The following CA10 variants were observed in gnomAD, a reference collection of about 807,000 sequenced individuals.
CA10 encodes the protein carbonic anhydrase-related protein 10.
A neutral mutation model predicts 44.2 loss-of-function variants in CA10; 14 were observed. That is an observed-to-expected ratio of 0.32 (90% CI 0.21 to 0.50). CA10 has a LOEUF of 0.50. Among genes scored for constraint, CA10 ranks in the 20% least tolerant of loss-of-function variants. CA10 has a pLI of 0.99. For synonymous variants in CA10, 159 were observed against 141.6 expected (o/e 1.12, Z -0.87); for missense variants, 350 against 409.7 (o/e 0.85, Z 1.26).
chr17:51,841,172 T>A (rs1467474982), intron 3 of CA10, among the ~76,000 whole-genome samples: 1 of 152,166 alleles, frequency 6.6e-6, no homozygotes, highest in Non-Finnish European at 1.5e-5. Flanking sequence ...CCTACAGCAG[T>A]ATGTCCAGAC....
intron 3 of CA10, among the ~76,000 whole-genome samples, chr17:51,897,448 T>C (rs879173699): frequency 2.6e-5 from 4 of 152,230 alleles, no homozygotes; most frequent in African/African-American, 4.8e-5. Flanking sequence ...ACTTGCACCA[T>C]GCTGTTTTGG....
intron 1 of CA10, among the ~76,000 whole-genome samples, chr17:52,121,938 T>G (rs12453099): frequency 6.6e-6 from 1 of 152,200 alleles, no homozygotes; most frequent in Admixed American, 6.5e-5. Context: ...TCTCTCAGAA[T>G]GTAGCAATTA....
chr17:52,005,235 TATAAAA>T (rs1189486361), intron 2 of CA10, among the ~76,000 whole-genome samples: 3 of 151,954 alleles, frequency 2.0e-5, no homozygotes, highest in African/African-American at 7.2e-5. Flanking sequence ...TTTAAAAATC[TATAAAA>T]ATAAATTCTG....
At chr17:52,119,242 A>ATTCATGACTTATGGCAGTG (rs57290750) in intron 1 of CA10, among the ~76,000 whole-genome samples, 20,512 of 150,996 alleles carry the variant, frequency 0.14, 1,654 homozygotes, top group East Asian at 0.41. Flanking sequence ...TTATGGCAGT[A>ATTCATGACTTATGGCAGTG]TTCATGACTT....
chr17:51,704,757 G>C (rs187382094), intron 4 of CA10, among the ~76,000 whole-genome samples: 1 of 152,074 alleles, frequency 6.6e-6, no homozygotes, highest in East Asian at 1.9e-4. Context: ...AAGGTCAGGA[G>C]TTCAAGACCA....
chr17:51,917,358 A>G (rs1033676024), intron 3 of CA10, among the ~76,000 whole-genome samples: 1 of 152,222 alleles, frequency 6.6e-6, no homozygotes, highest in African/African-American at 2.4e-5. Flanking sequence ...AAGGTACTGA[A>G]GGCTGCCTCC....
chr17:51,945,232 G>T (rs973493516), intron 2 of CA10, among the ~76,000 whole-genome samples: 2 of 152,124 alleles, frequency 1.3e-5, no homozygotes, highest in African/African-American at 4.8e-5. Context: ...AGAAACAAAT[G>T]AGGGCTCAGC....
At chr17:51,966,597 CA>C (rs1187913247) in intron 2 of CA10, among the ~76,000 whole-genome samples, 1 of 151,622 alleles carries the variant, frequency 6.6e-6, no homozygotes, top group Non-Finnish European at 1.5e-5. Context: ...GAAAAATAAG[CA>C]ATGGGAAAGG....
chr17:51,680,495 G>A (rs1304214841), intron 4 of CA10, among the ~76,000 whole-genome samples: 1 of 152,218 alleles, frequency 6.6e-6, no homozygotes, highest in Non-Finnish European at 1.5e-5. Flanking sequence ...TGAAGGCCAG[G>A]TATAACAGTG....
intron 2 of CA10, among the ~76,000 whole-genome samples, chr17:52,022,812 T>C (rs1211652484): frequency 1.3e-5 from 2 of 151,996 alleles, no homozygotes; most frequent in Non-Finnish European, 2.9e-5. Flanking sequence ...TATACACTGA[T>C]AATATTCAAC....
At chr17:51,664,267 A>G (rs1296506854) in intron 4 of CA10, among the ~76,000 whole-genome samples, 1 of 152,210 alleles carries the variant, frequency 6.6e-6, no homozygotes, top group East Asian at 1.9e-4. Flanking sequence ...ATTTGAGGGG[A>G]AAATAGGCCA....
intron 3 of CA10, among the ~76,000 whole-genome samples, chr17:51,876,852 G>A (rs778240740): frequency 3.3e-5 from 5 of 152,192 alleles, no homozygotes; most frequent in African/African-American, 9.7e-5. Context: ...ATGCCTGAGA[G>A]CTCCAATTGT....
At chr17:51,890,553 T>C (rs537323128) in intron 3 of CA10, among the ~76,000 whole-genome samples, 2 of 152,352 alleles carry the variant, frequency 1.3e-5, no homozygotes, top group South Asian at 4.1e-4. Context: ...TTAATAGTTA[T>C]GGTGTACCTG....
intron 2 of CA10, among the ~76,000 whole-genome samples, chr17:51,982,323 A>G (rs980822226): frequency 2.6e-5 from 4 of 151,902 alleles, no homozygotes; most frequent in Admixed American, 2.0e-4. Flanking sequence ...CATCACTACT[A>G]TCAACAGCCA....
chr17:51,732,787 A>T (rs1162603736), intron 4 of CA10, among the ~76,000 whole-genome samples: 1 of 152,216 alleles, frequency 6.6e-6, no homozygotes, highest in African/African-American at 2.4e-5. Flanking sequence ...GTCTTGCGCC[A>T]AAGGAACATA....
intron 3 of CA10, among the ~76,000 whole-genome samples, chr17:51,922,175 G>A (rs1982260476): frequency 6.6e-6 from 1 of 152,166 alleles, no homozygotes; most frequent in African/African-American, 2.4e-5. Context: ...TGCAAGGAAG[G>A]TAGAATGATG....
chr17:51,664,749 G>A (rs181268539), intron 4 of CA10, among the ~76,000 whole-genome samples: 8 of 152,104 alleles, frequency 5.3e-5, no homozygotes, highest in Non-Finnish European at 8.8e-5. Flanking sequence ...AGAGGGCAAT[G>A]TGATTGAATG....
chr17:51,934,497 C>T (rs1307357792), intron 2 of CA10, among the ~76,000 whole-genome samples: 2 of 152,112 alleles, frequency 1.3e-5, no homozygotes, highest in African/African-American at 2.4e-5. Flanking sequence ...ACATTAGTGC[C>T]AATTTTCCAG....
At position 51,693,387 on chromosome 17, in the gene CA10, G is replaced by T. The variant is rs562789158; in HGVS notation, c.466-39651C>A. ...TTTTGACTTGGGGTTATATGTGCAG[G>T]TTACCTGGGTATATTGCATGATGCT... On this transcript the variant is annotated intron_variant, in intron 4 of 8. Coordinates refer to ENST00000451037, the MANE Select transcript of CA10 (RefSeq NM_020178.5). 3.1e-4 allele frequency among the ~76,000 whole-genome samples: 47 copies of T among 152,250 alleles called. No individual in the cohort carries two copies. In the South Asian group the frequency reaches 4.8e-3, roughly 15 times the overall value.
Sources: gnomAD v4.1 joint callset for allele counts (sites outside exome capture counted in the v4.1 genomes callset) on GRCh38, gnomAD v4.1.1 for gene constraint, MANE v1.5 for transcripts, NCBI Gene and HGNC (gene_info 2026-07-23, HGNC 2026-07-21) for gene names.